Variants in PYGO1 observed in about 807,000 individuals in gnomAD.
The protein encoded by PYGO1 is pygopus homolog 1.
In PYGO1, 6 loss-of-function variants were observed where a neutral mutation model predicts 29.5. That is an observed-to-expected ratio of 0.20 (90% CI 0.11 to 0.40). The LOEUF (loss-of-function observed/expected upper bound fraction) is 0.40. Ranked by LOEUF, PYGO1 falls within the 10% of genes least tolerant of loss-of-function variation. The probability of loss-of-function intolerance (pLI) is 1.00; values close to 1 mark genes in which losing one functional copy is unlikely to be tolerated. For missense variants in PYGO1, 515 were observed against 514.9 expected (o/e 1.00, Z 0.00); for synonymous variants, 186 against 180.5 (o/e 1.03, Z -0.24).
chr15:55,549,141 A>G lies in PYGO1; in HGVS notation c.50-146T>C, dbSNP rs2058867573. On this transcript the variant is annotated intron_variant, in intron 1 of 2. Coordinates refer to ENST00000563719, the MANE Select transcript of PYGO1 (RefSeq NM_001367806.1). ...ACTTTTATTATCATTATCTGTTTCA[A>G]AAAAGTCTTTCCCATAGTTTGAGCC... The G allele has an allele frequency of 9.0e-6, 5 of 555,622 alleles. 1 individual carries two copies. In the South Asian group the frequency reaches 2.2e-4, roughly 24 times the overall value. 34.4% of individuals were successfully genotyped at this position (555,622 alleles called of 1,614,324 possible).
intron 2 of PYGO1, among the ~76,000 whole-genome samples, chr15:55,548,489 C>T (rs1268918814): frequency 6.6e-6 from 1 of 151,330 alleles, no homozygotes; most frequent in Non-Finnish European, 1.5e-5. Context: ...GGGTGGATCA[C>T]GAGGTCAAGA....
chr15:55,541,497 T>C lies in PYGO1; in HGVS notation c.*4526A>G, dbSNP rs554278949. On this transcript the variant is annotated 3_prime_UTR_variant, in exon 3 of 3. Transcript: ENST00000563719. The stretch of plus-strand genomic sequence containing the variant: ...CCATGGTATCTGAAATGCGGTCATA[T>C]TGTCTGAAATGTTAGATATTAAAGA... 3 of 152,342 alleles carry C rather than the reference T, an allele frequency of 2.0e-5. No homozygotes were observed. Among genetic ancestry groups the C allele is most frequent in the African/African-American group, 7.2e-5 (3 of 41,590 alleles). The allele number at this position is 152,342 out of a possible 1,614,324, so 9.4% of individuals were successfully genotyped here. A position where few individuals can be genotyped will look rare whatever the true frequency, so the allele number is the denominator to read the frequency against.
In PYGO1 at chr15:55,540,363, T is replaced by A. The variant is rs1175585984; in HGVS notation, c.*5660A>T. On this transcript the variant is annotated 3_prime_UTR_variant, in exon 3 of 3. Transcript: ENST00000563719. ...TGATGTCTTTTTTGGTTGGGAAATA[T>A]CAGCACAAGTTAAAAGTTACTATAT... 3 of 152,078 alleles carry A rather than the reference T, an allele frequency of 2.0e-5. No homozygotes were observed. Among genetic ancestry groups the A allele is most frequent in the Non-Finnish European group, 4.4e-5 (3 of 67,934 alleles). The allele number at this position is 152,078 out of a possible 1,614,324, so 9.4% of individuals were successfully genotyped here. A position where few individuals can be genotyped will look rare whatever the true frequency, so the allele number is the denominator to read the frequency against.
At position 55,539,692 on chromosome 15, in the gene PYGO1, C is replaced by T. The variant is rs1413423390; in HGVS notation, c.*6331G>A. On this transcript the variant is annotated 3_prime_UTR_variant, in exon 3 of 3. Coordinates refer to ENST00000563719, the MANE Select transcript of PYGO1 (RefSeq NM_001367806.1). ...AGTCAAATATAATAGGATTATGATA[C>T]AGTATGGTATCTAGCGTTTTAAAAA... The T allele has an allele frequency of 3.3e-5, 5 of 151,874 alleles. No individual in the cohort carries two copies. Among genetic ancestry groups the T allele is most frequent in the African/African-American group, 4.8e-5 (2 of 41,382 alleles). The allele number at this position is 151,874 out of a possible 1,614,324, so 9.4% of individuals were successfully genotyped here.
Position 55,546,374 on chromosome 15 carries a change from C to G in PYGO1, c.909G>C (p.Thr303=). The change falls in exon 3 of 3, where the codon ACG becomes ACC. Residue 303 remains threonine (T), a synonymous_variant. Transcript: ENST00000563719. ...CTCTTGGTTGTCGTGGCTTATTCTG[C>G]GTCCCATTTGCAGGGTTATTGTTTG... ...EATNNNPANG[T]QNKPRQPRGA... 1 of 1,614,190 alleles carries G rather than the reference C, an allele frequency of 6.2e-7. No homozygotes were observed. Among genetic ancestry groups the G allele is most frequent in the Non-Finnish European group, 8.5e-7 (1 of 1,180,030 alleles).
intron 1 of PYGO1, among the ~76,000 whole-genome samples, chr15:55,552,361 C>CAAAAAAAAAAAAA (rs56789656): frequency 1.7e-4 from 9 of 52,996 alleles, no homozygotes; most frequent in Non-Finnish European, 1.7e-4. Flanking sequence ...ACTCTGTCTC[C>CAAAAAAAAAAAAA]AAAAAAAAAA....
intron 1 of PYGO1, among the ~76,000 whole-genome samples, chr15:55,556,724 A>G (rs977184397): frequency 4.6e-5 from 7 of 152,010 alleles, no homozygotes; most frequent in African/African-American, 1.7e-4. Context: ...TGGTATTTCG[A>G]AAAAATTAAT....
At chr15:55,571,898 T>TA (rs138424290) in intron 1 of PYGO1, among the ~76,000 whole-genome samples, 8,203 of 152,202 alleles carry the variant, frequency 0.054, 280 homozygotes, top group Middle Eastern at 0.068. Flanking sequence ...TAATGTGAGG[T>TA]AAAAAACAAT....
intron 1 of PYGO1, among the ~76,000 whole-genome samples, chr15:55,557,509 T>C (rs1157184077): frequency 4.6e-5 from 7 of 152,144 alleles, no homozygotes; most frequent in African/African-American, 1.7e-4. Flanking sequence ...CAGCATCATC[T>C]TGATACCAAA....
chr15:55,546,488 T>C lies in PYGO1; in HGVS notation c.795A>G (p.Thr265=). 1 of 1,614,204 alleles carries C rather than the reference T, an allele frequency of 6.2e-7. No individual in the cohort carries two copies. The highest frequency in any genetic ancestry group is 2.2e-5 in the East Asian group (1 of 44,890). ...AHPPHLNMDD[T]VNQSNIELKN... ...TTAATTCAATATTACTCTGATTCAC[T>C]GTGTCATCCATATTCAAGTGAGGTG... Residue 265 remains threonine (T), a synonymous_variant, in exon 3 of 3, where the codon ACA becomes ACG. Coordinates refer to ENST00000563719, the MANE Select transcript of PYGO1 (RefSeq NM_001367806.1).
Position 55,539,697 on chromosome 15 carries a change from T to C in PYGO1, c.*6326A>G, listed in dbSNP as rs1050590229. 6.6e-6 allele frequency: 1 copy of C among 152,062 alleles called. No homozygotes were observed. Among genetic ancestry groups the C allele is most frequent in the African/African-American group, 2.4e-5 (1 of 41,458 alleles). The allele number at this position is 152,062 out of a possible 1,614,324, so 9.4% of individuals were successfully genotyped here. ...AATATAATAGGATTATGATACAGTATGGTATCTAGCGTTTTAAAAAATATT... is the reference window on the plus strand; with the variant it reads ...AATATAATAGGATTATGATACAGTACGGTATCTAGCGTTTTAAAAAATATT... On this transcript the variant is annotated 3_prime_UTR_variant, in exon 3 of 3. Coordinates refer to ENST00000563719, the MANE Select transcript of PYGO1 (RefSeq NM_001367806.1).
intron 2 of PYGO1, 32 bp downstream of exon 2, chr15:55,548,878 A>G (rs2058865848): frequency 1.9e-6 from 3 of 1,592,948 alleles, no homozygotes; most frequent in Admixed American, 3.5e-5. Context: ...ACTAGCAAAG[A>G]AAAACTTTTA....
In PYGO1 at chr15:55,588,251, G is replaced by A. The variant is rs947952090; in HGVS notation, c.-368C>T. Among the ~76,000 whole-genome samples the A allele has an allele frequency of 1.3e-5, 2 of 149,146 alleles. No individual in the cohort carries two copies. Among genetic ancestry groups the A allele is most frequent in the East Asian group, 2.0e-4 (1 of 5,074 alleles). On this transcript the variant is annotated 5_prime_UTR_variant, in exon 1 of 3. Coordinates refer to ENST00000563719, the MANE Select transcript of PYGO1 (RefSeq NM_001367806.1). ...CGCCGCCTCAGGAGCCGCTGACAGG[G>A]GAAGCAGGAGGCTCGCGGCCCGGCC...
chr15:55,542,958 A>AAC lies in PYGO1; in HGVS notation c.*3064_*3065insGT, dbSNP rs1426717774. 3.0e-4 allele frequency: 44 copies of AAC among 148,890 alleles called. No homozygotes were observed. The East Asian group carries it at 3.9e-3, about 13-fold the overall frequency. The allele number at this position is 148,890 out of a possible 1,614,324, so 9.2% of individuals were successfully genotyped here. On this transcript the variant is annotated 3_prime_UTR_variant, in exon 3 of 3. Transcript: ENST00000563719. ...AAAACAAAACAAAACAAAACAAAAA[A>AAC]AACAAAAAAAAACCCACCTTTCTGT...
chr15:55,571,586 C>T (rs2058980371), intron 1 of PYGO1, among the ~76,000 whole-genome samples: 1 of 152,204 alleles, frequency 6.6e-6, no homozygotes. Context: ...CCTGCACACG[C>T]TCTCTCTTTG....
intron 1 of PYGO1, among the ~76,000 whole-genome samples, chr15:55,553,224 A>G (rs1296653423): frequency 6.6e-6 from 1 of 152,046 alleles, no homozygotes; most frequent in Non-Finnish European, 1.5e-5. Flanking sequence ...ATACAAGCAG[A>G]ACTCTGAACT....
intron 1 of PYGO1, among the ~76,000 whole-genome samples, chr15:55,552,921 C>T (rs1234246085): frequency 6.6e-6 from 1 of 152,186 alleles, no homozygotes; most frequent in Non-Finnish European, 1.5e-5. Context: ...TCCATGGCAC[C>T]TCCCAAGTTA....
chr15:55,568,320 CTGTGTGTGTGTGTGTGTGTGTGTGTG>C (rs58177433), intron 1 of PYGO1, among the ~76,000 whole-genome samples: 1 of 125,828 alleles, frequency 7.9e-6, no homozygotes, highest in Admixed American at 8.0e-5. Flanking sequence ...TTCCTAGGTA[CTGTGTGTGTGTGTGTGTGTGTGTGTG>C]TGTGTGTGTG....
rs923520588 is a variant in PYGO1 at position 55,541,608 on chromosome 15, C to T, written c.*4415G>A. 6 of 152,134 alleles carry T rather than the reference C, an allele frequency of 3.9e-5. No individual in the cohort carries two copies. Among genetic ancestry groups the T allele is most frequent in the Non-Finnish European group, 8.8e-5 (6 of 68,010 alleles). The allele number at this position is 152,134 out of a possible 1,614,324, so 9.4% of individuals were successfully genotyped here. On this transcript the variant is annotated 3_prime_UTR_variant, in exon 3 of 3. Transcript: ENST00000563719. ...TTCATTCATACCTTAGTAGAAAATG[C>T]TTTTCTCTTAAAGTCTAGCCAACTA...
Sources: gnomAD v4.1 joint callset for allele counts (sites outside exome capture counted in the v4.1 genomes callset) on GRCh38, gnomAD v4.1.1 for gene constraint, MANE v1.5 for transcripts, NCBI Gene and HGNC (gene_info 2026-07-23, HGNC 2026-07-21) for gene names.